LCA5: variants seen among roughly 807,000 people sequenced by gnomAD.
LCA5 encodes lebercilin.
LCA5 carries 37 observed loss-of-function variants against 53.0 expected under a neutral mutation model. That is an observed-to-expected ratio of 0.70 (90% CI 0.54 to 0.92). LCA5 has a LOEUF of 0.92. Ranked by LOEUF, LCA5 falls within the 40% of genes least tolerant of loss-of-function variation. The probability of loss-of-function intolerance (pLI) is 0.00; values close to 1 mark genes in which losing one functional copy is unlikely to be tolerated. For missense variants in LCA5, 806 were observed against 790.5 expected, an observed-to-expected ratio of 1.02 and a Z score of -0.23; for synonymous variants, 303 against 282.9, an observed-to-expected ratio of 1.07 and a Z score of -0.71.
At chr6:79,497,060 A>G (rs1770000370) in intron 3 of LCA5, among the ~76,000 whole-genome samples, 2 of 152,212 alleles carry the variant, frequency 1.3e-5, no homozygotes, top group Admixed American at 1.3e-4. Context: ...ATAAGAATCT[A>G]AAAGATAACG....
intron 1 of LCA5, among the ~76,000 whole-genome samples, chr6:79,526,314 C>G (rs994358792): frequency 1.3e-5 from 2 of 151,998 alleles, no homozygotes; most frequent in South Asian, 4.1e-4. Context: ...GAGGCCGACG[C>G]GGGTGGATCA....
chr6:79,528,444 G>C (rs1766856923), intron 1 of LCA5, among the ~76,000 whole-genome samples: 1 of 152,102 alleles, frequency 6.6e-6, no homozygotes, highest in South Asian at 2.1e-4. Flanking sequence ...TCCGTAACCT[G>C]TTACCATCCG....
intron 3 of LCA5, among the ~76,000 whole-genome samples, chr6:79,502,258 T>G (rs1562100668): frequency 6.6e-6 from 1 of 152,210 alleles, no homozygotes; most frequent in Non-Finnish European, 1.5e-5. Flanking sequence ...ATCTGGAGAC[T>G]GAGCTCATTT....
Position 79,514,316 on chromosome 6 carries a change from C to T in LCA5, c.191-575G>A, listed in dbSNP as rs1005686961. Among the ~76,000 whole-genome samples, 7 of 151,894 alleles carry T rather than the reference C, an allele frequency of 4.6e-5. No individual in the cohort carries two copies. In the South Asian group the frequency reaches 1.3e-3, roughly 27 times the overall value. On this transcript the variant is annotated intron_variant, in intron 2 of 7. Coordinates refer to ENST00000369846, the MANE Select transcript of LCA5 (RefSeq NM_001122769.3). ...TTTTTAATGGGGTACAATGAGATACCGTCGCACATCAGTCAGAATGACTAT... is the reference window on the plus strand; with the variant it reads ...TTTTTAATGGGGTACAATGAGATACTGTCGCACATCAGTCAGAATGACTAT...
chr6:79,525,090 G>A (rs750557052), intron 1 of LCA5: 7 of 151,724 alleles, frequency 4.6e-5, no homozygotes, highest in South Asian at 2.1e-4. Flanking sequence ...GCATTACTGA[G>A]GTAATATATT....
intron 2 of LCA5, among the ~76,000 whole-genome samples, chr6:79,518,485 C>T (rs1766512291): frequency 6.6e-6 from 1 of 152,028 alleles, no homozygotes; most frequent in African/African-American, 2.4e-5. Flanking sequence ...GCTATGTTTC[C>T]TTCTGTATAC....
At chr6:79,531,098 C>T (rs1055740996) in intron 1 of LCA5, among the ~76,000 whole-genome samples, 3 of 152,072 alleles carry the variant, frequency 2.0e-5, no homozygotes, top group African/African-American at 7.2e-5. Context: ...CAGAAAGCTC[C>T]GTTAGTAAAA....
rs1166737813 is a variant in LCA5, at chr6:79,492,637, C to A, written c.869G>T (p.Arg290Ile). The change falls in exon 5 of 8, where the codon AGA (arginine) becomes ATA (isoleucine). Residue 290 changes from arginine (R) to isoleucine (I), a missense_variant. Transcript: ENST00000369846. ...RLYHKLKEKERELDIKNIYSN... is the reference protein window; with the variant it reads ...RLYHKLKEKEIELDIKNIYSN... The stretch of plus-strand genomic sequence containing the variant: ...ATATATATTTTTTATATCCAGTTCT[C>A]TCTCCTTTTCCTGAAAACAAACGCA... 6.6e-7 allele frequency: 1 copy of A among 1,521,642 alleles called. No individual in the cohort carries two copies. Among genetic ancestry groups the A allele is most frequent in the Non-Finnish European group, 9.0e-7 (1 of 1,106,660 alleles). 94.3% of individuals were successfully genotyped at this position (1,521,642 alleles called of 1,614,324 possible). A position where few individuals can be genotyped will look rare whatever the true frequency, so the allele number is the denominator to read the frequency against.
chr6:79,522,672 T>A (rs555229246), intron 1 of LCA5, among the ~76,000 whole-genome samples: 322 of 152,132 alleles, frequency 2.1e-3, no homozygotes, highest in Non-Finnish European at 3.4e-3. Context: ...AAAATTATAA[T>A]CAAGAAAATT....
At chr6:79,532,899 T>C (rs1202361930) in intron 1 of LCA5, among the ~76,000 whole-genome samples, 8 of 152,174 alleles carry the variant, frequency 5.3e-5, no homozygotes, top group Non-Finnish European at 8.8e-5. Context: ...ATGATTATAA[T>C]GTTATTTCAA....
In LCA5 at chr6:79,491,716, C is replaced by A; in HGVS notation, c.970G>T (p.Asp324Tyr). ...ALRKNAACQS[D>Y]FADLCTKGVQ... ...CCTTTTGTACACAGGTCTGCAAAAT[C>A]ACTCTGGCATGCAGCTACAGTGAAA... Residue 324 changes from aspartate (D) to tyrosine (Y), a missense_variant, in exon 6 of 8, where the codon GAT becomes TAT. Asp to Tyr is a radical substitution (Grantham distance 160). Coordinates refer to ENST00000369846, the MANE Select transcript of LCA5 (RefSeq NM_001122769.3). The A allele has an allele frequency of 6.2e-7, 1 of 1,612,846 alleles. No individual in the cohort carries two copies. Among genetic ancestry groups the A allele is most frequent in the South Asian group, 1.1e-5 (1 of 91,040 alleles).
chr6:79,513,971 A>C (rs762289582), intron 2 of LCA5, among the ~76,000 whole-genome samples: 3 of 152,156 alleles, frequency 2.0e-5, no homozygotes, highest in Non-Finnish European at 2.9e-5. Context: ...TTTATACGGA[A>C]TTATTCTACA....
At chr6:79,536,676 T>C (rs1394866960) in intron 1 of LCA5, among the ~76,000 whole-genome samples, 3 of 152,220 alleles carry the variant, frequency 2.0e-5, no homozygotes, top group African/African-American at 7.2e-5. Flanking sequence ...CTAACCACAG[T>C]TTTAATAATA....
chr6:79,521,066 T>G (rs1412268270), intron 1 of LCA5, among the ~76,000 whole-genome samples: 3 of 152,200 alleles, frequency 2.0e-5, no homozygotes, highest in African/African-American at 7.2e-5. Context: ...GTTGCTGGTG[T>G]AACTGAAGAA....
chr6:79,536,408 C>T (rs1767122185), intron 1 of LCA5, among the ~76,000 whole-genome samples: 1 of 152,058 alleles, frequency 6.6e-6, no homozygotes, highest in Non-Finnish European at 1.5e-5. Flanking sequence ...ATGTATGTGC[C>T]CAAGTATACT....
rs941197870 is a variant in LCA5, at chr6:79,519,051, T to C, written c.-157A>G. On this transcript the variant is annotated 5_prime_UTR_variant, in exon 2 of 8. Transcript: ENST00000369846. ...TCCACAATGTATTTGTAGACCACAA[T>C]TCACATTGGCATCCAGAAGATAAAC... 3.7e-6 allele frequency: 3 copies of C among 814,468 alleles called. No homozygotes were observed. Among genetic ancestry groups the C allele is most frequent in the East Asian group, 2.5e-5 (1 of 40,468 alleles). 50.5% of individuals were successfully genotyped at this position (814,468 alleles called of 1,614,324 possible).
chr6:79,526,306 G>C (rs1766785895), intron 1 of LCA5, among the ~76,000 whole-genome samples: 1 of 152,122 alleles, frequency 6.6e-6, no homozygotes, highest in South Asian at 2.1e-4. Flanking sequence ...CATTTTGGGA[G>C]GCCGACGCGG....
intron 1 of LCA5, among the ~76,000 whole-genome samples, chr6:79,525,799 T>C: frequency 6.6e-6 from 1 of 151,948 alleles, no homozygotes; most frequent in East Asian, 1.9e-4. Context: ...GGCCAGGGAG[T>C]GCAGCTGCAG....
intron 2 of LCA5, among the ~76,000 whole-genome samples, chr6:79,516,345 T>C (rs944089009): frequency 1.3e-5 from 2 of 151,976 alleles, no homozygotes; most frequent in Admixed American, 1.3e-4. Flanking sequence ...TGACAGAAAC[T>C]TTATACATAA....
Sources: allele counts gnomAD v4.1 joint callset (sites outside exome capture counted in the v4.1 genomes callset), GRCh38; gene constraint gnomAD v4.1.1; transcripts MANE v1.5; gene names NCBI Gene and HGNC (gene_info 2026-07-23, HGNC 2026-07-21).